Variants in PPFIBP2 observed in about 807,000 individuals in gnomAD.
PPFIBP2 encodes the protein liprin-beta-2.
Under a neutral mutation model 118.3 loss-of-function variants are expected in PPFIBP2, and 118 were observed. The observed-to-expected ratio is 1.00, with a 90% CI of 0.86 to 1.16. The LOEUF is 1.16. PPFIBP2 is among the 50% of genes most tolerant of loss of function. The probability of loss-of-function intolerance (pLI) is 0.00; values close to 1 mark genes in which losing one functional copy is unlikely to be tolerated. For missense variants in PPFIBP2, 1,195 were observed against 1,073.1 expected (o/e 1.11, Z -1.59); for synonymous variants, 414 against 397.4 (o/e 1.04, Z -0.50).
intron 5 of PPFIBP2, among the ~76,000 whole-genome samples, chr11:7,607,306 C>T (rs1847503363): frequency 6.7e-6 from 1 of 149,630 alleles, no homozygotes; most frequent in Non-Finnish European, 1.5e-5. Flanking sequence ...CTCCCAGGTT[C>T]AATCAATCCT....
chr11:7,630,527 G>C (rs528372234), intron 10 of PPFIBP2, among the ~76,000 whole-genome samples: 1 of 152,302 alleles, frequency 6.6e-6, no homozygotes, highest in Non-Finnish European at 1.5e-5. Flanking sequence ...GACCAGGCTA[G>C]ACTCGAACTC....
At chr11:7,554,940 T>C (rs1300368716) in intron 2 of PPFIBP2, among the ~76,000 whole-genome samples, 1 of 152,182 alleles carries the variant, frequency 6.6e-6, no homozygotes, top group Non-Finnish European at 1.5e-5. Flanking sequence ...ACCATTATTA[T>C]AGTTTCCAGT....
At chr11:7,520,892 A>G (rs1805356350) in intron 1 of PPFIBP2, among the ~76,000 whole-genome samples, 1 of 152,190 alleles carries the variant, frequency 6.6e-6, no homozygotes, top group Non-Finnish European at 1.5e-5. Flanking sequence ...GGTGGGCTTT[A>G]TCCTTTATAC....
At chr11:7,519,354 G>C (rs1849524258) in intron 1 of PPFIBP2, among the ~76,000 whole-genome samples, 1 of 152,162 alleles carries the variant, frequency 6.6e-6, no homozygotes, top group Admixed American at 6.5e-5. Context: ...AGCAAGAATT[G>C]CAGAGGTCGG....
chr11:7,625,862 C>T lies in PPFIBP2; in HGVS notation c.797C>T (p.Ala266Val). The change falls in exon 8 of 24, where the codon GCT (alanine) becomes GTT (valine). Residue 266 changes from alanine to valine, a missense_variant. Physicochemically the swap from Ala to Val is moderately conservative, Grantham distance 64 (BLOSUM62 0). Coordinates refer to ENST00000299492, the MANE Select transcript of PPFIBP2 (RefSeq NM_003621.5). The part of the protein sequence containing the change: ...RLHSQLSRTA[A>V]LHSESHTERD... ...CACAGCCAGCTCTCCCGGACAGCAG[C>T]TCTCCACAGTGAGAGTCACACAGAG... is the stretch of plus-strand genomic sequence containing the variant. 1.2e-6 allele frequency: 2 copies of T among 1,614,236 alleles called. No individual in the cohort carries two copies. The highest frequency in any genetic ancestry group is 1.7e-6 in the Non-Finnish European group (2 of 1,180,032).
At chr11:7,577,330 T>TGCGTGTGTGTGTGC (rs72088699) in intron 3 of PPFIBP2, 13 of 246,960 alleles carry the variant, frequency 5.3e-5, no homozygotes, top group Admixed American at 1.5e-4. Context: ...CGTGTGTGTG[T>TGCGTGTGTGTGTGC]GTGTGTGTGT....
At chr11:7,566,160 C>T (rs1854956127) in intron 3 of PPFIBP2, among the ~76,000 whole-genome samples, 1 of 152,124 alleles carries the variant, frequency 6.6e-6, no homozygotes, top group African/African-American at 2.4e-5. Context: ...AAACAAAAGA[C>T]TGGTTACCTC....
At chr11:7,570,525 G>C (rs1855545408) in intron 3 of PPFIBP2, among the ~76,000 whole-genome samples, 1 of 152,232 alleles carries the variant, frequency 6.6e-6, no homozygotes, top group Non-Finnish European at 1.5e-5. Context: ...CAGCAGCAAA[G>C]TGAAGGCAAG....
intron 2 of PPFIBP2, among the ~76,000 whole-genome samples, chr11:7,556,542 T>G (rs1321750596): frequency 6.6e-6 from 1 of 152,244 alleles, no homozygotes. Flanking sequence ...TTCTAGTATC[T>G]TTGTATTCTC....
chr11:7,650,002 G>C lies in PPFIBP2; in HGVS notation c.2121+348G>C, dbSNP rs922250075. On this transcript the variant is annotated intron_variant, in intron 21 of 23. Coordinates refer to ENST00000299492, the MANE Select transcript of PPFIBP2 (RefSeq NM_003621.5). ...AGAAGAGAAGAGAAGAGACAGAGGA[G>C]GGGGAAGAGGAGCCCGTAGAAGCTA... Among the ~76,000 whole-genome samples the C allele has an allele frequency of 2.0e-5, 3 of 152,182 alleles. No individual in the cohort carries two copies. In the East Asian group the frequency reaches 5.8e-4, roughly 29 times the overall value.
At chr11:7,662,914 A>T in the PPFIBP2 span, among the ~76,000 whole-genome samples, 1 of 136,170 alleles carries the variant, frequency 7.3e-6, no homozygotes, top group Non-Finnish European at 1.7e-5. Flanking sequence ...TCCATCACTG[A>T]TACCCTTTCT....
intron 17 of PPFIBP2, among the ~76,000 whole-genome samples, chr11:7,647,323 T>C (rs1230584492): frequency 2.6e-5 from 4 of 152,210 alleles, no homozygotes; most frequent in Non-Finnish European, 4.4e-5. Context: ...ATTTTTAGTG[T>C]GCTATTCACA....
chr11:7,532,363 G>T (rs752576946), intron 1 of PPFIBP2, among the ~76,000 whole-genome samples: 22 of 152,188 alleles, frequency 1.4e-4, no homozygotes, highest in Non-Finnish European at 2.9e-4. Context: ...TAAGAATTTT[G>T]AGGGTGTGGG....
intron 20 of PPFIBP2, 28 bp downstream of exon 20, chr11:7,649,263 G>C (rs771920287): frequency 6.3e-7 from 1 of 1,587,244 alleles, no homozygotes; most frequent in East Asian, 2.2e-5. Context: ...AAATATTTCA[G>C]TTGTCCCTGT....
chr11:7,551,683 G>T (rs1057198160), intron 2 of PPFIBP2, among the ~76,000 whole-genome samples: 10 of 152,138 alleles, frequency 6.6e-5, no homozygotes, highest in Admixed American at 3.9e-4. Flanking sequence ...ATGTTGGGAA[G>T]AACTGACACT....
chr11:7,572,498 A>G (rs532636338), intron 3 of PPFIBP2, among the ~76,000 whole-genome samples: 27 of 152,252 alleles, frequency 1.8e-4, no homozygotes, highest in Non-Finnish European at 2.5e-4. Flanking sequence ...AAGAATGTGC[A>G]AACACTGGTG....
At chr11:7,661,344 T>G (rs2136092426), downstream of PPFIBP2, among the ~76,000 whole-genome samples, 1 of 151,376 alleles carries the variant, frequency 6.6e-6, no homozygotes, top group Admixed American at 6.6e-5. Flanking sequence ...TCTGGTATGT[T>G]GTGTCTCTGT....
In PPFIBP2 at chr11:7,653,456, T is replaced by G; in HGVS notation, c.*238T>G. Reference sequence around the variant, plus strand: ...AGGTGGACTCAGGAGGAAAGACACTTAAAGACACTTTTACATGTCTAGTAA... The same window carrying G: ...AGGTGGACTCAGGAGGAAAGACACTGAAAGACACTTTTACATGTCTAGTAA... On this transcript the variant is annotated 3_prime_UTR_variant, in exon 24 of 24. Transcript: ENST00000299492. 1 of 1,500,158 alleles carries G rather than the reference T, an allele frequency of 6.7e-7. No homozygotes were observed. Among genetic ancestry groups the G allele is most frequent in the South Asian group, 1.2e-5 (1 of 82,182 alleles). 92.9% of individuals were successfully genotyped at this position (1,500,158 alleles called of 1,614,324 possible).
chr11:7,610,409 A>G lies in PPFIBP2; in HGVS notation c.605A>G (p.Gln202Arg). ...GAGCAGAGAGAGCAGGAGGAGAAGC[A>G]GAGAAAAGCAGAGGTAAGGGTGAGT... ...EKEQREQEEK[Q>R]RKAEELLQEL... is the part of the protein sequence containing the mutation. The change falls in exon 6 of 24, where the codon CAG becomes CGG. Residue 202 changes from glutamine to arginine, a missense_variant. Physicochemically the swap from Gln to Arg is conservative, Grantham distance 43. Transcript: ENST00000299492. 6.2e-7 allele frequency: 1 copy of G among 1,613,812 alleles called. No homozygotes were observed. The highest frequency in any genetic ancestry group is 8.5e-7 in the Non-Finnish European group (1 of 1,179,942).
Sources: gnomAD v4.1 joint callset for allele counts (sites outside exome capture counted in the v4.1 genomes callset) on GRCh38, gnomAD v4.1.1 for gene constraint, MANE v1.5 for transcripts, NCBI Gene and HGNC (gene_info 2026-07-23, HGNC 2026-07-21) for gene names.